The following AGBL1 variants were observed in gnomAD, a reference collection of about 807,000 sequenced individuals.
AGBL1 encodes AGBL carboxypeptidase 1, also known as cytosolic carboxypeptidase 4.
A neutral mutation model predicts 118.9 loss-of-function variants in AGBL1; 130 were observed. The ratio of observed to expected loss-of-function variants is 1.09; its 90% CI spans 0.95 to 1.26. The LOEUF is 1.26. Ranked by LOEUF, AGBL1 falls within the 50% of genes most tolerant of loss-of-function variation. The probability of loss-of-function intolerance (pLI) is 0.00; values close to 1 mark genes in which losing one functional copy is unlikely to be tolerated. For missense variants in AGBL1, 1,584 were observed against 1,298.1 expected (o/e 1.22, Z -3.38); for synonymous variants, 555 against 478.9 (o/e 1.16, Z -2.08).
At chr15:86,328,814 G>A (rs1222226602) in intron 17 of AGBL1, among the ~76,000 whole-genome samples, 2 of 152,202 alleles carry the variant, frequency 1.3e-5, no homozygotes, top group African/African-American at 4.8e-5. Context: ...GACACTATGA[G>A]GGAAAGACAC....
chr15:86,173,727 G>A (rs1364451723), intron 5 of AGBL1, among the ~76,000 whole-genome samples: 1 of 151,958 alleles, frequency 6.6e-6, no homozygotes, highest in Non-Finnish European at 1.5e-5. Context: ...TGTTGTTGGT[G>A]CTTTTTTCAA....
chr15:86,928,955 C>T (rs886509503), intron 23 of AGBL1, among the ~76,000 whole-genome samples: 3 of 152,078 alleles, frequency 2.0e-5, no homozygotes, highest in Admixed American at 6.5e-5. Context: ...TAGTGTCATA[C>T]ACATTGTTTT....
chr15:87,001,834 T>A (rs962360741), intron 24 of AGBL1, among the ~76,000 whole-genome samples: 5 of 152,116 alleles, frequency 3.3e-5, no homozygotes, highest in Admixed American at 1.3e-4. Flanking sequence ...GTTGTTTTTT[T>A]CTTGTAAATT....
intron 21 of AGBL1, among the ~76,000 whole-genome samples, chr15:86,645,600 A>G (rs1163585846): frequency 6.6e-6 from 1 of 152,166 alleles, no homozygotes; most frequent in Non-Finnish European, 1.5e-5. Context: ...TATGAAGGCC[A>G]CAAGGACACT....
intron 16 of AGBL1, among the ~76,000 whole-genome samples, chr15:86,289,068 G>C (rs1251679544): frequency 6.6e-6 from 1 of 152,016 alleles, no homozygotes; most frequent in Non-Finnish European, 1.5e-5. Flanking sequence ...TTTGAACAGA[G>C]GCAAACAAAA....
chr15:86,185,286 G>A (rs2094612669), intron 5 of AGBL1, among the ~76,000 whole-genome samples: 1 of 152,154 alleles, frequency 6.6e-6, no homozygotes, highest in South Asian at 2.1e-4. Flanking sequence ...GGCAAAATAA[G>A]AACACTCTTA....
At chr15:86,117,981 T>A (rs1005690180) in intron 1 of AGBL1, among the ~76,000 whole-genome samples, 1 of 152,220 alleles carries the variant, frequency 6.6e-6, no homozygotes, top group Non-Finnish European at 1.5e-5. Context: ...TAGTTTGGTA[T>A]CTTCTTGATT....
intron 18 of AGBL1, among the ~76,000 whole-genome samples, chr15:86,501,362 T>C (rs2082915517): frequency 1.3e-5 from 2 of 151,666 alleles, no homozygotes; most frequent in Admixed American, 1.3e-4. Flanking sequence ...GTTTGTATTA[T>C]TGAGTATAAG....
chr15:86,511,377 G>A (rs1377786544), intron 18 of AGBL1, among the ~76,000 whole-genome samples: 1 of 151,992 alleles, frequency 6.6e-6, no homozygotes, highest in Non-Finnish European at 1.5e-5. Flanking sequence ...GTTCATATAG[G>A]TGTGGGGAGC....
intron 6 of AGBL1, among the ~76,000 whole-genome samples, chr15:86,247,004 C>G (rs1034794776): frequency 1.3e-4 from 20 of 151,942 alleles, no homozygotes; most frequent in African/African-American, 4.8e-4. Flanking sequence ...TCTTTTTTTT[C>G]TGAGAATAAG....
intron 22 of AGBL1, among the ~76,000 whole-genome samples, chr15:86,690,305 T>C (rs1272297841): frequency 6.6e-6 from 1 of 152,144 alleles, no homozygotes; most frequent in Non-Finnish European, 1.5e-5. Flanking sequence ...TAGAATGAAC[T>C]CTTACTGACT....
chr15:86,963,237 G>C (rs1179753780), intron 23 of AGBL1, among the ~76,000 whole-genome samples: 1 of 152,012 alleles, frequency 6.6e-6, no homozygotes, highest in African/African-American at 2.4e-5. Flanking sequence ...CTAGTGAGTA[G>C]AGAAAGACAT....
intron 18 of AGBL1, among the ~76,000 whole-genome samples, chr15:86,436,971 T>C (rs1175116852): frequency 6.6e-6 from 1 of 151,726 alleles, no homozygotes; most frequent in Non-Finnish European, 1.5e-5. Context: ...TGAAAAAGCA[T>C]CATTGTGCAG....
At chr15:86,651,146 C>T (rs1048179779) in intron 21 of AGBL1, among the ~76,000 whole-genome samples, 1 of 152,154 alleles carries the variant, frequency 6.6e-6, no homozygotes, top group East Asian at 1.9e-4. Context: ...GATAAAAATG[C>T]ATCTCATCTG....
intron 22 of AGBL1, among the ~76,000 whole-genome samples, chr15:86,709,523 G>T (rs941476086): frequency 6.6e-6 from 1 of 152,052 alleles, no homozygotes; most frequent in Non-Finnish European, 1.5e-5. Context: ...TTTCCTTTCT[G>T]TATTTCATGG....
At position 86,908,189 on chromosome 15, in the gene AGBL1, G is replaced by T. The variant is rs193241995; in HGVS notation, c.*895G>T. ...AAATTATTGTAGGATGAAATGAGAT[G>T]ATATATAAAAGTGTATAGCTTAGCA... On this transcript the variant is annotated 3_prime_UTR_variant, in exon 23 of 23. Coordinates refer to ENST00000614907, the MANE Select transcript of AGBL1 (RefSeq NM_001386094.1). 3.7e-4 allele frequency: 56 copies of T among 152,250 alleles called. 3 individuals are homozygous for T. Among genetic ancestry groups the T allele is most frequent in the East Asian group, 2.7e-3 (14 of 5,186 alleles). The allele number at this position is 152,250 out of a possible 1,614,324, so 9.4% of individuals were successfully genotyped here. A position where few individuals can be genotyped will look rare whatever the true frequency, so the allele number is the denominator to read the frequency against.
intron 17 of AGBL1, among the ~76,000 whole-genome samples, chr15:86,366,435 T>C (rs927970414): frequency 6.6e-6 from 1 of 152,180 alleles, no homozygotes; most frequent in African/African-American, 2.4e-5. Context: ...CCTCATTTTA[T>C]GGTTGAGAAA....
At chr15:86,474,031 T>C (rs961806876) in intron 18 of AGBL1, among the ~76,000 whole-genome samples, 1 of 152,178 alleles carries the variant, frequency 6.6e-6, no homozygotes, top group Non-Finnish European at 1.5e-5. Flanking sequence ...TGTTTGGTAT[T>C]TATTTTTAAT....
intron 19 of AGBL1, among the ~76,000 whole-genome samples, chr15:86,544,940 TATA>T (rs1256561502): frequency 6.6e-6 from 1 of 152,228 alleles, no homozygotes; most frequent in East Asian, 1.9e-4. Context: ...CATCTCTCCT[TATA>T]ATAAGATTTT....
Sources: allele counts gnomAD v4.1 joint callset (sites outside exome capture counted in the v4.1 genomes callset), GRCh38; gene constraint gnomAD v4.1.1; transcripts MANE v1.5; gene names NCBI Gene and HGNC (gene_info 2026-07-23, HGNC 2026-07-21).